Variants in CCDC33 observed in about 807,000 individuals in gnomAD.
CCDC33 encodes coiled-coil domain-containing protein 33.
In CCDC33, 94 loss-of-function variants were observed where a neutral mutation model predicts 91.9. That is an observed-to-expected ratio of 1.02 (90% CI 0.87 to 1.21). The LOEUF (loss-of-function observed/expected upper bound fraction) is 1.21. CCDC33 is among the 50% of genes most tolerant of loss of function. The pLI, the probability that CCDC33 is intolerant of heterozygous loss-of-function variation, is 0.00. For missense variants in CCDC33, 940 were observed against 935.5 expected, an observed-to-expected ratio of 1.00 and a Z score of -0.06; for synonymous variants, 396 against 374.5, an observed-to-expected ratio of 1.06 and a Z score of -0.66.
rs2074339973 is a variant in CCDC33, at chr15:74,209,648, A to G, written n.236+114A>G. 6 of 571,880 alleles carry G rather than the reference A, an allele frequency of 1.0e-5. No individual in the cohort carries two copies. In the South Asian group the frequency reaches 1.1e-4, roughly 11 times the overall value. The allele number at this position is 571,880 out of a possible 1,614,324, so 35.4% of individuals were successfully genotyped here. A position where few individuals can be genotyped will look rare whatever the true frequency, so the allele number is the denominator to read the frequency against. On this transcript the variant is annotated intron_variant and non_coding_transcript_variant, in intron 2 of 3. Coordinates refer to the CCDC33 transcript ENST00000558645. ...GAGTCCTGCTCTTCACCCCAAGTAC[A>G]TGCCTGCAACCTCCAACGCTGCTGG...
chr15:74,294,139 C>T (rs1451157186), intron 10 of CCDC33, among the ~76,000 whole-genome samples: 2 of 152,154 alleles, frequency 1.3e-5, no homozygotes, highest in Non-Finnish European at 2.9e-5. Context: ...CACCTGGGCA[C>T]CTCTAACTCT....
chr15:74,331,075 TGAA>T lies in CCDC33; in HGVS notation c.1642_1644del (p.Lys548del). The T allele has an allele frequency of 6.2e-7, 1 of 1,613,564 alleles. No homozygotes were observed. Among genetic ancestry groups the T allele is most frequent in the Non-Finnish European group, 8.5e-7 (1 of 1,179,700 alleles). ...CAGTACCAGGGCAAGCTGCAGAAGA[TGAA>T]GGCGCTGGAGGAGACTGTGCGGCAC... On this transcript the variant is annotated inframe_deletion, in exon 14 of 19. Coordinates refer to ENST00000398814, the MANE Select transcript of CCDC33 (RefSeq NM_025055.5).
intron 10 of CCDC33, among the ~76,000 whole-genome samples, chr15:74,287,979 C>G (rs571851097): frequency 1.3e-5 from 2 of 152,294 alleles, no homozygotes; most frequent in East Asian, 3.9e-4. Flanking sequence ...CCTGAATCCC[C>G]CTATAGTGTT....
chr15:74,213,157 A>C (rs1486230031), upstream of CCDC33: 1 of 152,018 alleles, frequency 6.6e-6, no homozygotes, highest in Non-Finnish European at 1.5e-5. Flanking sequence ...CGGAGGTTAC[A>C]GTGAGCCGAG....
At position 74,236,333 on chromosome 15, in the gene CCDC33, T is replaced by C. The variant is rs1352644158; in HGVS notation, c.-387T>C. 1 of 210,160 alleles carries C rather than the reference T, an allele frequency of 4.8e-6. No individual in the cohort carries two copies. Among genetic ancestry groups the C allele is most frequent in the Admixed American group, 5.7e-5 (1 of 17,656 alleles). The allele number at this position is 210,160 out of a possible 1,614,324, so 13.0% of individuals were successfully genotyped here. On this transcript the variant is annotated 5_prime_UTR_variant, in exon 1 of 19. Transcript: ENST00000398814. ...AGCTAGGTGGAAGAGCTTATTGTTT[T>C]CCAGGCCTGGGCAGAGACAGGGCCC...
intron 5 of CCDC33, among the ~76,000 whole-genome samples, chr15:74,269,514 C>G (rs773137224): frequency 3.9e-5 from 6 of 152,228 alleles, no homozygotes; most frequent in Non-Finnish European, 8.8e-5. Flanking sequence ...CACCTTCTAT[C>G]ACGCCCTTTC....
intron 3 of CCDC33, 84 bp from the exon 4 acceptor site, chr15:74,266,594 C>T: frequency 1.1e-6 from 1 of 950,716 alleles, no homozygotes; most frequent in South Asian, 1.4e-5. Flanking sequence ...TCAACAATGT[C>T]TCTCACCTCT....
At chr15:74,267,657 G>T (rs927574509) in intron 4 of CCDC33, among the ~76,000 whole-genome samples, 1 of 152,104 alleles carries the variant, frequency 6.6e-6, no homozygotes, top group South Asian at 2.1e-4. Context: ...AAAGAACAAT[G>T]TGAAGCCAGA....
At chr15:74,211,393 C>CTTTTTTT (rs34963230) in intron 2 of CCDC33, among the ~76,000 whole-genome samples, 23 of 73,894 alleles carry the variant, frequency 3.1e-4, no homozygotes, top group East Asian at 8.7e-4. Flanking sequence ...CTGCCCCTGG[C>CTTTTTTT]TTTTTTTTTT....
At chr15:74,217,755 C>T (rs549740605) in intron 1 of CCDC33, among the ~76,000 whole-genome samples, 13 of 152,186 alleles carry the variant, frequency 8.5e-5, no homozygotes, top group South Asian at 2.1e-4. Context: ...CTTTGTAACC[C>T]GTGCCTCCTT....
intron 11 of CCDC33, chr15:74,318,641 C>T (rs758336093): frequency 1.3e-6 from 1 of 769,896 alleles, no homozygotes; most frequent in African/African-American, 1.7e-5. Flanking sequence ...TGCCCCAGGC[C>T]TCATTGACAG....
chr15:74,312,346 C>A (rs7166859), intron 11 of CCDC33, among the ~76,000 whole-genome samples: 2 of 152,198 alleles, frequency 1.3e-5, no homozygotes, highest in South Asian at 4.1e-4. Flanking sequence ...TGTCAGCAGC[C>A]GCCCCAGCCC....
rs202101418 is a variant in CCDC33, at chr15:74,268,362, C to A, written c.450C>A (p.Ala150=). 2 of 1,613,728 alleles carry A rather than the reference C, an allele frequency of 1.2e-6. No homozygotes were observed. Among genetic ancestry groups the A allele is most frequent in the African/African-American group, 1.3e-5 (1 of 75,032 alleles). Residue 150 remains alanine (A), a synonymous_variant, in exon 5 of 19, where the codon GCC becomes GCA. Coordinates refer to ENST00000398814, the MANE Select transcript of CCDC33 (RefSeq NM_025055.5). Reference sequence around the variant, plus strand: ...TCCAGCCCACTGAGTCTGGGAAAGCCGATGAAGCCACTGCCAAGACCCAGT... The same window carrying A: ...TCCAGCCCACTGAGTCTGGGAAAGCAGATGAAGCCACTGCCAAGACCCAGT... ...ELVKPTESGK[A]DEATAKTQLY...
rs559892808 is a variant in CCDC33, at chr15:74,280,943, C to G, written c.1023+142C>G. On this transcript the variant is annotated intron_variant, in intron 9 of 18. Transcript: ENST00000398814. ...TCAAGGCACCCACCAGGGAAGTCAC[C>G]CAGTCTAGAAGTGAGGAGCTCCCTG... The G allele has an allele frequency of 7.0e-6, 6 of 851,954 alleles. No homozygotes were observed. The South Asian group carries it at 2.0e-4, about 28-fold the overall frequency. 52.8% of individuals were successfully genotyped at this position (851,954 alleles called of 1,614,324 possible). A position where few individuals can be genotyped will look rare whatever the true frequency, so the allele number is the denominator to read the frequency against.
intron 7 of CCDC33, among the ~76,000 whole-genome samples, chr15:74,278,405 A>G (rs974003005): frequency 2.0e-5 from 3 of 152,232 alleles, no homozygotes; most frequent in Admixed American, 2.0e-4. Flanking sequence ...AGCGGCTGCT[A>G]CTGTTGCTGA....
At chr15:74,308,354 G>GACACAC (rs5813758) in intron 11 of CCDC33, among the ~76,000 whole-genome samples, 25,669 of 141,824 alleles carry the variant, frequency 0.18, 2,438 homozygotes, top group South Asian at 0.25. Flanking sequence ...TGTGCAGACA[G>GACACAC]ACAGACACAC....
chr15:74,247,550 T>C (rs2075577470), intron 2 of CCDC33, among the ~76,000 whole-genome samples: 2 of 152,170 alleles, frequency 1.3e-5, no homozygotes, highest in Non-Finnish European at 2.9e-5. Flanking sequence ...ATAATGCAGA[T>C]GAGCCTGGAG....
chr15:74,312,220 G>A (rs1376878163), intron 11 of CCDC33, among the ~76,000 whole-genome samples: 2 of 152,172 alleles, frequency 1.3e-5, no homozygotes, highest in African/African-American at 4.8e-5. Context: ...TTGCCTAGAG[G>A]CTGAGCCTCT....
intron 11 of CCDC33, among the ~76,000 whole-genome samples, chr15:74,327,284 A>C (rs888759625): frequency 6.6e-6 from 1 of 152,176 alleles, no homozygotes; most frequent in African/African-American, 2.4e-5. Context: ...CTCTCCCTCC[A>C]TCTCCTTCCT....
Sources: allele counts gnomAD v4.1 joint callset (sites outside exome capture counted in the v4.1 genomes callset), GRCh38; gene constraint gnomAD v4.1.1; transcripts MANE v1.5; gene names NCBI Gene and HGNC (gene_info 2026-07-23, HGNC 2026-07-21).